The following USP16 variants were observed in gnomAD, a reference collection of about 807,000 sequenced individuals.
USP16 encodes ubiquitin specific peptidase 16, also known as ubiquitin carboxyl-terminal hydrolase 16.
Under a neutral mutation model 95.9 loss-of-function variants are expected in USP16, and 77 were observed. The observed-to-expected ratio is 0.80, with a 90% CI of 0.67 to 0.97. USP16 has a LOEUF of 0.97. USP16 is among the 50% of genes least tolerant of loss of function. The pLI is 0.00. For synonymous variants in USP16, 303 were observed against 318.2 expected (o/e 0.95, Z 0.51); for missense variants, 943 against 959.9 (o/e 0.98, Z 0.23).
At position 29,038,431 on chromosome 21, in the gene USP16, G is replaced by T. The variant is rs767751492; in HGVS notation, c.732+1G>T. 1.2e-6 allele frequency: 2 copies of T among 1,605,410 alleles called. No individual in the cohort carries two copies. The highest frequency in any genetic ancestry group is 2.2e-5 in the South Asian group (2 of 90,340). ...TGAACCACCTGATTTGGCATTAACA[G>T]TATGTTCTTTAAACTTTTCTAGTCT... On this transcript the variant is annotated splice_donor_variant, in intron 7 of 17. Transcript: ENST00000399976. LOFTEE classifies it high-confidence loss of function.
intron 5 of USP16, among the ~76,000 whole-genome samples, 175 bp from the exon 6 acceptor site, chr21:29,037,101 T>C (rs1423931080): frequency 6.6e-6 from 1 of 152,204 alleles, no homozygotes; most frequent in African/African-American, 2.4e-5. Flanking sequence ...TACTGGGTTT[T>C]GTGTTTTTTT....
chr21:29,051,505 ACAC>A (rs758379169), intron 16 of USP16, among the ~76,000 whole-genome samples: 4 of 152,178 alleles, frequency 2.6e-5, no homozygotes, highest in Non-Finnish European at 5.9e-5. Context: ...GAAAGTGAGG[ACAC>A]CACAAAGGAT....
rs771806251 is a variant in USP16 at position 29,039,571 on chromosome 21, T to C, written c.951+3T>C. ...GGATGAGAGCAGAAGAACACCAAGTTAGCATGTTATGACCATTGTATTTTA... is the reference window on the plus strand; with the variant it reads ...GGATGAGAGCAGAAGAACACCAAGTCAGCATGTTATGACCATTGTATTTTA... On this transcript the variant is annotated splice_donor_region_variant and intron_variant, in intron 9 of 17. Transcript: ENST00000399976. The C allele has an allele frequency of 3.7e-6, 6 of 1,611,596 alleles. No individual in the cohort carries two copies. In the Admixed American group the frequency reaches 5.0e-5, roughly 13 times the overall value.
At position 29,043,555 on chromosome 21, in the gene USP16, C is replaced by A; in HGVS notation, c.1312C>A (p.His438Asn). 6.4e-7 allele frequency: 1 copy of A among 1,574,068 alleles called. No individual in the cohort carries two copies. The highest frequency in any genetic ancestry group is 8.6e-7 in the Non-Finnish European group (1 of 1,165,890). Reference sequence around the variant, plus strand: ...TGATATTCCTTCTGGAACAAGTAAGCACTTACAGAAAAAAGCAAAGAAACA... The same window carrying A: ...TGATATTCCTTCTGGAACAAGTAAGAACTTACAGAAAAAAGCAAAGAAACA... ...RSDIPSGTSK[H>N]LQKKAKKQAK... The change falls in exon 13 of 18, where the codon CAC becomes AAC. Residue 438 changes from histidine (H) to asparagine (N), a missense_variant. Physicochemically the swap from His to Asn is moderately conservative, Grantham distance 68. Transcript: ENST00000399976.
intron 14 of USP16, among the ~76,000 whole-genome samples, chr21:29,047,816 A>G (rs924267980): frequency 2.0e-5 from 3 of 151,674 alleles, no homozygotes; most frequent in African/African-American, 7.3e-5. Context: ...TGGAGGGGCC[A>G]TGGATTCCTA....
intron 17 of USP16, 24 bp downstream of exon 17, chr21:29,053,982 G>A: frequency 6.2e-7 from 1 of 1,613,260 alleles, no homozygotes; most frequent in East Asian, 2.2e-5. Context: ...GAAAATTCAG[G>A]CACTCAGCAG....
intron 13 of USP16, among the ~76,000 whole-genome samples, chr21:29,044,748 A>ATTCTTTCTTTCT (rs564605028): frequency 9.9e-5 from 15 of 151,572 alleles, no homozygotes; most frequent in African/African-American, 3.6e-4. Context: ...TGCCTGGCCC[A>ATTCTTTCTTTCT]TTCTTTCTTT....
In USP16 at chr21:29,053,895, G is replaced by A; in HGVS notation, c.2287G>A (p.Ala763Thr). The change falls in exon 17 of 18, where the codon GCC becomes ACC. Residue 763 changes from alanine to threonine, a missense_variant. Physicochemically the swap from Ala to Thr is moderately conservative, Grantham distance 58 (BLOSUM62 0). Transcript: ENST00000399976. ...TMRSGHYTAY[A>T]KARTANSHLS... ...GAGGTCGGGGCATTACACTGCCTATGCCAAGGCAAGAACCGCAAATAGTCA... is the reference window on the plus strand; with the variant it reads ...GAGGTCGGGGCATTACACTGCCTATACCAAGGCAAGAACCGCAAATAGTCA... 1 of 1,614,236 alleles carries A rather than the reference G, an allele frequency of 6.2e-7. No individual in the cohort carries two copies. Among genetic ancestry groups the A allele is most frequent in the Non-Finnish European group, 8.5e-7 (1 of 1,180,040 alleles).
At chr21:29,035,582 C>T (rs952463891) in intron 4 of USP16, among the ~76,000 whole-genome samples, 1 of 151,948 alleles carries the variant, frequency 6.6e-6, no homozygotes, top group African/African-American at 2.4e-5. Flanking sequence ...CCATGTTGGT[C>T]AGGCTGGTCT....
rs1477795761 is a variant in USP16, at chr21:29,053,823, A to G, written c.2215A>G (p.Arg739Gly). The change falls in exon 17 of 18, where the codon AGG (arginine) becomes GGG (glycine). Residue 739 changes from arginine to glycine, a missense_variant. Arg to Gly is a moderately radical substitution (Grantham distance 125). Coordinates refer to ENST00000399976, the MANE Select transcript of USP16 (RefSeq NM_006447.3). ...AAAGAATGTTGCAGAAGAAAATACA[A>G]GGGTACTCTATTCCTTATATGGAGT... ...KCKNVAEENT[R>G]VLYSLYGVVE... The G allele has an allele frequency of 5.6e-6, 9 of 1,612,768 alleles. No homozygotes were observed. The highest frequency in any genetic ancestry group is 1.7e-5 in the Admixed American group (1 of 59,620).
Position 29,043,558 on chromosome 21 carries a change from T to G in USP16, c.1315T>G (p.Leu439Val). The change falls in exon 13 of 18, where the codon TTA (leucine) becomes GTA (valine). Residue 439 changes from leucine to valine, a missense_variant. Leu to Val is a conservative substitution (Grantham distance 32). Transcript: ENST00000399976. Reference sequence around the variant, plus strand: ...TATTCCTTCTGGAACAAGTAAGCACTTACAGAAAAAAGCAAAGAAACAAGC... The same window carrying G: ...TATTCCTTCTGGAACAAGTAAGCACGTACAGAAAAAAGCAAAGAAACAAGC... ...SDIPSGTSKH[L>V]QKKAKKQAKK... is the part of the protein sequence containing the mutation. 6.4e-7 allele frequency: 1 copy of G among 1,569,548 alleles called. No homozygotes were observed. Among genetic ancestry groups the G allele is most frequent in the Non-Finnish European group, 8.6e-7 (1 of 1,164,320 alleles).
intron 16 of USP16, among the ~76,000 whole-genome samples, chr21:29,051,542 A>G (rs2085413955): frequency 6.6e-6 from 1 of 152,114 alleles, no homozygotes; most frequent in South Asian, 2.1e-4. Context: ...CATGTTGAAG[A>G]ATTTGGGGCT....
At chr21:29,039,835 T>C (rs2085217726) in intron 9 of USP16, among the ~76,000 whole-genome samples, 1 of 152,212 alleles carries the variant, frequency 6.6e-6, no homozygotes, top group Non-Finnish European at 1.5e-5. Context: ...TGTACTAACC[T>C]ATACGAAGAG....
In USP16 at chr21:29,036,278, G is replaced by T; in HGVS notation, c.352G>T (p.Val118Leu). 6.2e-7 allele frequency: 1 copy of T among 1,608,116 alleles called. No homozygotes were observed. The highest frequency in any genetic ancestry group is 8.5e-7 in the Non-Finnish European group (1 of 1,176,606). ...CTGATTTTTGGGTCACAGGTGTTAC[G>T]TATGTGATAATGAGGTCCAGTATTG... ...SLDNWSVWCY[V>L]CDNEVQYCSS... Residue 118 changes from valine to leucine, a missense_variant, in exon 5 of 18, where the codon GTA becomes TTA. By Grantham distance (32) the Val-to-Leu change is conservative. Coordinates refer to ENST00000399976, the MANE Select transcript of USP16 (RefSeq NM_006447.3).
chr21:29,034,373 C>T (rs1439442798), intron 3 of USP16, among the ~76,000 whole-genome samples: 3 of 150,418 alleles, frequency 2.0e-5, no homozygotes, highest in Non-Finnish European at 4.4e-5. Context: ...CAGGCCCAGA[C>T]GTGATCTTGG....
chr21:29,037,207 TC>T, intron 5 of USP16, 68 bp from the exon 6 acceptor site: 1 of 1,034,894 alleles, frequency 9.7e-7, no homozygotes, highest in South Asian at 2.1e-5. Flanking sequence ...TAGTACTGTT[TC>T]CCAAGTATAC....
chr21:29,039,030 C>T lies in USP16; in HGVS notation c.737C>T (p.Pro246Leu), dbSNP rs978648420. The stretch of plus-strand genomic sequence containing the variant: ...AATTTCTTTTCCCATATTCAGGAAC[C>T]ATTAGAAATAAACCTTGAGCCTCCA... ...IEPPDLALTE[P>L]LEINLEPPGP... Residue 246 changes from proline to leucine, a missense_variant, in exon 8 of 18, where the codon CCA becomes CTA. Physicochemically the swap from Pro to Leu is moderately conservative, Grantham distance 98. Transcript: ENST00000399976. 10 of 1,526,764 alleles carry T rather than the reference C, an allele frequency of 6.5e-6. No homozygotes were observed. Among genetic ancestry groups the T allele is most frequent in the Non-Finnish European group, 8.8e-6 (10 of 1,138,072 alleles). 94.6% of individuals were successfully genotyped at this position (1,526,764 alleles called of 1,614,324 possible).
intron 14 of USP16, 36 bp from the exon 15 acceptor site, chr21:29,048,725 A>AT (rs2085367942): frequency 6.5e-7 from 1 of 1,545,036 alleles, no homozygotes; most frequent in Non-Finnish European, 8.9e-7. Flanking sequence ...GTCTAAAATG[A>AT]TTTTCTCCCT....
At chr21:29,037,138 T>C in intron 5 of USP16, 138 bp from the exon 6 acceptor site, 1 of 489,166 alleles carries the variant, frequency 2.0e-6, no homozygotes, top group Non-Finnish European at 3.3e-6. Context: ...CCTGTATCTA[T>C]TTAAAATCAA....
Sources: gnomAD v4.1 joint callset for allele counts (sites outside exome capture counted in the v4.1 genomes callset) on GRCh38, gnomAD v4.1.1 for gene constraint, MANE v1.5 for transcripts, NCBI Gene and HGNC (gene_info 2026-07-23, HGNC 2026-07-21) for gene names.